The following PLCG2 variants were observed in gnomAD, a reference collection of about 807,000 sequenced individuals.
The protein encoded by PLCG2 is 1-phosphatidylinositol 4,5-bisphosphate phosphodiesterase gamma-2.
A neutral mutation model predicts 175.6 loss-of-function variants in PLCG2; 69 were observed. That is an observed-to-expected ratio of 0.39 (90% CI 0.32 to 0.48). The LOEUF (loss-of-function observed/expected upper bound fraction) is 0.48, where lower values mean the gene tolerates loss of function less well. Among genes scored for constraint, PLCG2 ranks in the 20% least tolerant of loss-of-function variants. The pLI, the probability that PLCG2 is intolerant of heterozygous loss-of-function variation, is 0.91. For missense variants in PLCG2, 1,798 were observed against 1,650.9 expected (o/e 1.09, Z -1.54); for synonymous variants, 827 against 624.0 (o/e 1.33, Z -4.85).
intron 2 of PLCG2, among the ~76,000 whole-genome samples, chr16:81,817,138 C>T (rs920888632): frequency 6.6e-6 from 1 of 152,108 alleles, no homozygotes; most frequent in Non-Finnish European, 1.5e-5. Flanking sequence ...CCTCTCTTTA[C>T]AAGCGAAGTC....
chr16:81,947,851 A>T (rs1241188418), intron 31 of PLCG2, among the ~76,000 whole-genome samples: 1 of 152,230 alleles, frequency 6.6e-6, no homozygotes, highest in Non-Finnish European at 1.5e-5. Flanking sequence ...AGTTGAAAAG[A>T]GTCCCCCAGA....
intron 2 of PLCG2, among the ~76,000 whole-genome samples, chr16:81,796,784 C>T (rs1317903397): frequency 1.3e-5 from 2 of 152,130 alleles, no homozygotes; most frequent in African/African-American, 2.4e-5. Flanking sequence ...AGGGGTGCTC[C>T]CTCAGGAGGA....
chr16:81,955,518 T>C (rs57586664), intron 31 of PLCG2, among the ~76,000 whole-genome samples: 5,395 of 152,302 alleles, frequency 0.035, 337 homozygotes, highest in African/African-American at 0.12. Context: ...TTGTCTTTTT[T>C]TCTCCCCTAG....
At chr16:81,744,121 G>A (rs1488295543) in intron 1 of PLCG2, among the ~76,000 whole-genome samples, 2 of 150,938 alleles carry the variant, frequency 1.3e-5, no homozygotes, top group African/African-American at 2.4e-5. Flanking sequence ...GCCTCCCAAA[G>A]TGCTGGGATT....
chr16:81,772,091 G>T (rs1301114954), intron 2 of PLCG2, among the ~76,000 whole-genome samples: 1 of 152,072 alleles, frequency 6.6e-6, no homozygotes, highest in East Asian at 1.9e-4. Context: ...GCTGGAAATA[G>T]GGTCTTTATG....
intron 18 of PLCG2, among the ~76,000 whole-genome samples, chr16:81,911,495 T>C (rs1317157932): frequency 6.6e-6 from 1 of 152,142 alleles, no homozygotes; most frequent in African/African-American, 2.4e-5. Flanking sequence ...TGGAGTGCAG[T>C]GGAACAATCA....
Position 81,900,863 on chromosome 16 carries a change from C to T in PLCG2, c.1362+83C>T. ...GGCTCTGGGTCCCGTTCACCAAGTT[C>T]TATGTCCTACTGGGCCTGCTCCAGG... On this transcript the variant is annotated intron_variant, in intron 14 of 32. Transcript: ENST00000564138. 5 of 1,258,006 alleles carry T rather than the reference C, an allele frequency of 4.0e-6. No homozygotes were observed. In the South Asian group the frequency reaches 7.0e-5, roughly 17 times the overall value. The allele number at this position is 1,258,006 out of a possible 1,614,324, so 77.9% of individuals were successfully genotyped here. A position where few individuals can be genotyped will look rare whatever the true frequency, so the allele number is the denominator to read the frequency against.
chr16:81,844,560 G>A (rs1906013055), intron 2 of PLCG2, among the ~76,000 whole-genome samples: 3 of 152,086 alleles, frequency 2.0e-5, no homozygotes, highest in African/African-American at 7.2e-5. Context: ...AACTTCAAGT[G>A]ATCTGCTTGC....
intron 17 of PLCG2, 69 bp from the exon 18 acceptor site, chr16:81,910,451 C>T (rs921692814): frequency 9.2e-6 from 13 of 1,414,074 alleles, no homozygotes; most frequent in Non-Finnish European, 1.3e-5. Flanking sequence ...GTCCCCGCCT[C>T]TGAGGCCCTG....
At chr16:81,793,601 C>T (rs1911334814) in intron 2 of PLCG2, among the ~76,000 whole-genome samples, 1 of 152,102 alleles carries the variant, frequency 6.6e-6, no homozygotes, top group Non-Finnish European at 1.5e-5. Context: ...TGGTGGCTGC[C>T]CATGAGTGAC....
In PLCG2 at chr16:81,854,510, C is replaced by T; in HGVS notation, c.260C>T (p.Ala87Val). ...TCCAAAGATTTCGAGCGAGCAAAAG[C>T]AGTTCGCCAGAAAGAAGACTGCTGC... ...KNSKDFERAKAVRQKEDCCFT... is the reference protein window; with the variant it reads ...KNSKDFERAKVVRQKEDCCFT... The change falls in exon 3 of 33, where the codon GCA becomes GTA. Residue 87 changes from alanine (A) to valine (V), a missense_variant. Ala to Val is a moderately conservative substitution (Grantham distance 64). Transcript: ENST00000564138. 1 of 1,613,744 alleles carries T rather than the reference C, an allele frequency of 6.2e-7. No individual in the cohort carries two copies. Among genetic ancestry groups the T allele is most frequent in the Non-Finnish European group, 8.5e-7 (1 of 1,179,608 alleles).
At chr16:81,853,788 C>T (rs1016304764) in intron 2 of PLCG2, among the ~76,000 whole-genome samples, 9 of 152,162 alleles carry the variant, frequency 5.9e-5, no homozygotes, top group Non-Finnish European at 1.3e-4. Context: ...ATACTGGAGG[C>T]TGTGGCCCAT....
At chr16:81,745,139 C>T (rs1003454121) in intron 1 of PLCG2, among the ~76,000 whole-genome samples, 2 of 152,184 alleles carry the variant, frequency 1.3e-5, no homozygotes, top group Admixed American at 6.5e-5. Context: ...CAGGTCACTG[C>T]AGGGCTGAAC....
chr16:81,744,182 T>G (rs1199578426), intron 1 of PLCG2, among the ~76,000 whole-genome samples: 5 of 145,926 alleles, frequency 3.4e-5, no homozygotes, highest in African/African-American at 7.6e-5. Context: ...TTTTTTTTTT[T>G]GTTTGAGATG....
rs572026757 is a variant in PLCG2 at position 81,915,287 on chromosome 16, C to G, written c.2054+2571C>G. 2.0e-5 allele frequency among the ~76,000 whole-genome samples: 3 copies of G among 152,320 alleles called. No individual in the cohort carries two copies. The East Asian group carries it at 5.8e-4, about 29-fold the overall frequency. On this transcript the variant is annotated intron_variant, in intron 19 of 32. Transcript: ENST00000564138. ...ATATTTGTAAAGTGCCTCTCCTGTGCCAGGCACTGTTCTGGGCTCTGGGGA... is the reference window on the plus strand; with the variant it reads ...ATATTTGTAAAGTGCCTCTCCTGTGGCAGGCACTGTTCTGGGCTCTGGGGA...
rs193128632 is a variant in PLCG2 at position 81,939,914 on chromosome 16, C to G, written c.3336C>G (p.Ile1112Met). The G allele has an allele frequency of 1.9e-6, 3 of 1,613,464 alleles. No homozygotes were observed. Among genetic ancestry groups the G allele is most frequent in the South Asian group, 1.1e-5 (1 of 91,074 alleles). ...TVVNDNGLSP[I>M]WAPTQEKVTF... Reference sequence around the variant, plus strand: ...CAGATGATAATGGCCTCAGCCCTATCTGGGCTCCAACACAGGAGAAGGTGA... The same window carrying G: ...CAGATGATAATGGCCTCAGCCCTATGTGGGCTCCAACACAGGAGAAGGTGA... Residue 1112 changes from isoleucine to methionine, a missense_variant, in exon 30 of 33, where the codon ATC becomes ATG. Physicochemically the swap from Ile to Met is conservative, Grantham distance 10 (BLOSUM62 1). Transcript: ENST00000564138.
chr16:81,852,921 C>G (rs750865824), intron 2 of PLCG2, among the ~76,000 whole-genome samples: 257 of 152,220 alleles, frequency 1.7e-3, no homozygotes, highest in Non-Finnish European at 2.9e-3. Flanking sequence ...TCCATGGCCT[C>G]TCCATAGGGC....
chr16:81,889,449 C>G (rs1908530234), intron 10 of PLCG2, 176 bp downstream of exon 10: 1 of 549,554 alleles, frequency 1.8e-6, no homozygotes, highest in Non-Finnish European at 3.3e-6. Flanking sequence ...CTCCCAGGTT[C>G]TAGATTACTG....
At chr16:81,774,495 G>C (rs949703612), upstream of PLCG2, among the ~76,000 whole-genome samples, 3 of 152,184 alleles carry the variant, frequency 2.0e-5, no homozygotes, top group Admixed American at 2.0e-4. Context: ...CTCTCACAGA[G>C]GCCTGCCAGC....
Sources: allele counts gnomAD v4.1 joint callset (sites outside exome capture counted in the v4.1 genomes callset), GRCh38; gene constraint gnomAD v4.1.1; transcripts MANE v1.5; gene names NCBI Gene and HGNC (gene_info 2026-07-23, HGNC 2026-07-21).